CLSTN2: variants seen among roughly 807,000 people sequenced by gnomAD.
CLSTN2 encodes calsyntenin-2.
A neutral mutation model predicts 101.2 loss-of-function variants in CLSTN2; 48 were observed. The ratio of observed to expected loss-of-function variants is 0.47; its 90% CI spans 0.38 to 0.60. The LOEUF (loss-of-function observed/expected upper bound fraction) is 0.60. Among genes scored for constraint, CLSTN2 ranks in the 20% least tolerant of loss-of-function variants. CLSTN2 has a pLI of 0.00. For missense variants in CLSTN2, 1,160 were observed against 1,238.2 expected (o/e 0.94, Z 0.95); for synonymous variants, 481 against 463.6 (o/e 1.04, Z -0.48).
intron 8 of CLSTN2, among the ~76,000 whole-genome samples, chr3:140,504,853 T>A (rs1478039213): frequency 1.3e-5 from 2 of 152,156 alleles, no homozygotes; most frequent in Non-Finnish European, 2.9e-5. Context: ...TTGTTTTGAT[T>A]TTTTGGGGGA....
chr3:140,324,637 A>G (rs1027343633), intron 2 of CLSTN2, among the ~76,000 whole-genome samples: 1 of 152,168 alleles, frequency 6.6e-6, no homozygotes, highest in South Asian at 2.1e-4. Flanking sequence ...TAACAGGGAG[A>G]AAAATAATTT....
At chr3:140,100,891 C>T (rs958524516) in intron 1 of CLSTN2, among the ~76,000 whole-genome samples, 7 of 152,114 alleles carry the variant, frequency 4.6e-5, no homozygotes, top group African/African-American at 1.7e-4. Flanking sequence ...TCATGTTGTG[C>T]CCTCATGCTC....
At chr3:140,172,730 C>T (rs190392739) in intron 1 of CLSTN2, among the ~76,000 whole-genome samples, 69 of 152,228 alleles carry the variant, frequency 4.5e-4, no homozygotes, top group Admixed American at 7.8e-4. Context: ...AGATCAAGTC[C>T]CATCTTACAT....
chr3:140,075,856 A>T (rs1413753886), intron 1 of CLSTN2, among the ~76,000 whole-genome samples: 5 of 152,028 alleles, frequency 3.3e-5, no homozygotes, highest in Admixed American at 6.5e-5. Context: ...ATCATGTCTC[A>T]GGTGGGCACC....
chr3:139,952,583 A>G (rs1935313020), intron 1 of CLSTN2, among the ~76,000 whole-genome samples: 11 of 152,176 alleles, frequency 7.2e-5, no homozygotes. Context: ...CTGTCAGTAA[A>G]AACCTGAGAT....
chr3:140,134,716 T>C (rs1178465547), intron 1 of CLSTN2, among the ~76,000 whole-genome samples: 1 of 152,064 alleles, frequency 6.6e-6, no homozygotes, highest in East Asian at 1.9e-4. Context: ...CAATACACTG[T>C]ACAACGGCGA....
Position 140,341,027 on chromosome 3 carries a change from G to A in CLSTN2, c.233-62602G>A, listed in dbSNP as rs543919678. Among the ~76,000 whole-genome samples, 8 of 152,268 alleles carry A rather than the reference G, an allele frequency of 5.3e-5. 1 individual carries two copies. In the South Asian group the frequency reaches 1.7e-3, roughly 32 times the overall value. On this transcript the variant is annotated intron_variant, in intron 2 of 16. Coordinates refer to ENST00000458420, the MANE Select transcript of CLSTN2 (RefSeq NM_022131.3). ...TCAAGGTACTTGACTTACCACTGTC[G>A]ACGTTGACCTTGACCACCTGGTTGA...
intron 1 of CLSTN2, among the ~76,000 whole-genome samples, chr3:139,968,529 C>A (rs1377967235): frequency 6.6e-6 from 1 of 152,192 alleles, no homozygotes; most frequent in Non-Finnish European, 1.5e-5. Flanking sequence ...GCTCTTCCAC[C>A]TTTCACCATA....
intron 1 of CLSTN2, among the ~76,000 whole-genome samples, chr3:139,990,113 T>C (rs768898217): frequency 2.7e-4 from 41 of 152,242 alleles, no homozygotes; most frequent in Non-Finnish European, 2.8e-4. Context: ...TGGTAATGAT[T>C]GTGCTGTTAT....
chr3:140,415,408 A>T (rs1019223517), intron 4 of CLSTN2, among the ~76,000 whole-genome samples: 4 of 150,784 alleles, frequency 2.7e-5, no homozygotes, highest in Non-Finnish European at 4.4e-5. Context: ...CAACCTACAG[A>T]ATGGGAAAAT....
At chr3:140,424,645 T>G (rs2088544678) in intron 5 of CLSTN2, among the ~76,000 whole-genome samples, 2 of 152,250 alleles carry the variant, frequency 1.3e-5, no homozygotes, top group Non-Finnish European at 2.9e-5. Flanking sequence ...GCTTGTTACT[T>G]GCAGATGATG....
At chr3:140,253,886 T>C (rs2086584034) in intron 2 of CLSTN2, among the ~76,000 whole-genome samples, 2 of 152,112 alleles carry the variant, frequency 1.3e-5, no homozygotes, top group African/African-American at 4.8e-5. Context: ...TCCCAAGGGC[T>C]GCTTAGTGAT....
chr3:140,238,507 T>C (rs1298120592), intron 2 of CLSTN2, among the ~76,000 whole-genome samples: 2 of 152,216 alleles, frequency 1.3e-5, no homozygotes, highest in African/African-American at 4.8e-5. Flanking sequence ...CTGAACCCTA[T>C]CCATTTTTTC....
At chr3:140,397,076 A>G (rs182094287) in intron 2 of CLSTN2, among the ~76,000 whole-genome samples, 1 of 152,198 alleles carries the variant, frequency 6.6e-6, no homozygotes, top group East Asian at 1.9e-4. Flanking sequence ...AATAAACTCA[A>G]TACATATTAA....
chr3:140,225,135 A>C (rs1179477407), intron 2 of CLSTN2, among the ~76,000 whole-genome samples: 1 of 152,208 alleles, frequency 6.6e-6, no homozygotes, highest in Non-Finnish European at 1.5e-5. Context: ...GCATAGGCTC[A>C]CACCAATCAC....
intron 8 of CLSTN2, among the ~76,000 whole-genome samples, chr3:140,504,308 A>G (rs1934641232): frequency 1.3e-5 from 2 of 152,226 alleles, no homozygotes; most frequent in Middle Eastern, 3.4e-3. Context: ...CTGAACACAT[A>G]GAACATCTTA....
At chr3:140,099,552 C>T (rs1328367174) in intron 1 of CLSTN2, among the ~76,000 whole-genome samples, 3 of 152,198 alleles carry the variant, frequency 2.0e-5, no homozygotes, top group Non-Finnish European at 4.4e-5. Flanking sequence ...AGAACACATT[C>T]ACAGCAGCCT....
chr3:140,534,566 G>A (rs532573076), intron 9 of CLSTN2, among the ~76,000 whole-genome samples: 1 of 152,322 alleles, frequency 6.6e-6, no homozygotes, highest in South Asian at 2.1e-4. Flanking sequence ...AAATCAATGA[G>A]GGCTCTTTTC....
chr3:140,466,950 A>C (rs1162759977), intron 8 of CLSTN2, among the ~76,000 whole-genome samples: 1 of 152,180 alleles, frequency 6.6e-6, no homozygotes. Flanking sequence ...CCCAGCTGGG[A>C]TGCTGCTGGG....
Sources: allele counts gnomAD v4.1 joint callset (sites outside exome capture counted in the v4.1 genomes callset), GRCh38; gene constraint gnomAD v4.1.1; transcripts MANE v1.5; gene names NCBI Gene and HGNC (gene_info 2026-07-23, HGNC 2026-07-21).